UNC13C: variants seen among roughly 807,000 people sequenced by gnomAD.
The protein encoded by UNC13C is protein unc-13 homolog C.
UNC13C carries 174 observed loss-of-function variants against 245.4 expected under a neutral mutation model. The observed-to-expected ratio is 0.71, with a 90% confidence interval of 0.63 to 0.80. The LOEUF is 0.80. Ranked by LOEUF, UNC13C falls within the 30% of genes least tolerant of loss-of-function variation. The probability of loss-of-function intolerance (pLI) is 0.00; values close to 1 mark genes in which losing one functional copy is unlikely to be tolerated. For synonymous variants in UNC13C, 992 were observed against 895.1 expected (o/e 1.11, Z -1.93); for missense variants, 2,829 against 2,602.9 (o/e 1.09, Z -1.89).
At chr15:54,395,669 A>T (rs893455797) in intron 18 of UNC13C, among the ~76,000 whole-genome samples, 7 of 151,944 alleles carry the variant, frequency 4.6e-5, no homozygotes, top group African/African-American at 1.4e-4. Context: ...GTAATCCCTG[A>T]TTATTGATTC....
chr15:54,131,694 T>C (rs1359696800), intron 2 of UNC13C, among the ~76,000 whole-genome samples: 1 of 152,194 alleles, frequency 6.6e-6, no homozygotes, highest in Non-Finnish European at 1.5e-5. Flanking sequence ...GTTCTAGTCA[T>C]GCACTGGGGA....
chr15:54,011,732 C>A (rs1895388718), intron 1 of UNC13C, among the ~76,000 whole-genome samples: 1 of 152,150 alleles, frequency 6.6e-6, no homozygotes, highest in Non-Finnish European at 1.5e-5. Flanking sequence ...ATCTCTTTCG[C>A]TCCATCTTTT....
the UNC13C span, among the ~76,000 whole-genome samples, chr15:53,931,893 A>C: frequency 3.4e-4 from 52 of 152,302 alleles, no homozygotes; most frequent in African/African-American, 1.1e-3. Flanking sequence ...TCATTTACCA[A>C]AATGGAAATG....
In UNC13C at chr15:54,485,769, C is replaced by T. The variant is rs893645788; in HGVS notation, c.4934-8839C>T. Among the ~76,000 whole-genome samples the T allele has an allele frequency of 1.1e-4, 17 of 152,278 alleles. 1 individual carries two copies. Among genetic ancestry groups the T allele is most frequent in the Admixed American group, 8.5e-4 (13 of 15,292 alleles). On this transcript the variant is annotated intron_variant, in intron 19 of 32. Coordinates refer to ENST00000260323, the MANE Select transcript of UNC13C (RefSeq NM_001080534.3). Reference sequence around the variant, plus strand: ...ACTGGCCTCCTTGCATCTCTTTGAGCTTGTCAAGCACACTTTTTTGCTTGA... The same window carrying T: ...ACTGGCCTCCTTGCATCTCTTTGAGTTTGTCAAGCACACTTTTTTGCTTGA...
chr15:54,519,528 T>A (rs1895127225), intron 24 of UNC13C, among the ~76,000 whole-genome samples: 1 of 152,136 alleles, frequency 6.6e-6, no homozygotes, highest in South Asian at 2.1e-4. Flanking sequence ...AGACAGCTAT[T>A]GATGTTCAAC....
chr15:54,288,381 G>A (rs529727752), intron 10 of UNC13C, among the ~76,000 whole-genome samples: 1 of 152,188 alleles, frequency 6.6e-6, no homozygotes, highest in South Asian at 2.1e-4. Flanking sequence ...AATTAAAAAG[G>A]GCTCCAAAAG....
chr15:54,418,102 A>G (rs113602046), intron 19 of UNC13C, among the ~76,000 whole-genome samples: 278 of 152,150 alleles, frequency 1.8e-3, no homozygotes, highest in African/African-American at 6.4e-3. Context: ...CATCAGTTTA[A>G]TTGTCCATAT....
At chr15:54,580,143 T>G (rs1054673902) in intron 30 of UNC13C, among the ~76,000 whole-genome samples, 5 of 152,198 alleles carry the variant, frequency 3.3e-5, no homozygotes, top group Non-Finnish European at 5.9e-5. Flanking sequence ...ACGCCTGTTT[T>G]TGTTCACTGA....
intron 28 of UNC13C, among the ~76,000 whole-genome samples, chr15:54,552,658 A>G (rs1229485292): frequency 1.4e-5 from 1 of 72,150 alleles, no homozygotes; most frequent in Admixed American, 2.8e-4. Flanking sequence ...ATATAATTAT[A>G]TTATATTGTA....
chr15:54,318,723 G>A (rs1290437745), intron 13 of UNC13C, among the ~76,000 whole-genome samples: 1 of 151,770 alleles, frequency 6.6e-6, no homozygotes, highest in Non-Finnish European at 1.5e-5. Flanking sequence ...TCACTCTCTT[G>A]AGTTTTTCCT....
chr15:54,190,061 T>A (rs1277165020), intron 4 of UNC13C, among the ~76,000 whole-genome samples: 1 of 152,146 alleles, frequency 6.6e-6, no homozygotes, highest in African/African-American at 2.4e-5. Flanking sequence ...GCCTTACTCT[T>A]AGTACAGGTT....
At chr15:54,449,201 C>G (rs1192353140) in intron 19 of UNC13C, among the ~76,000 whole-genome samples, 1 of 152,154 alleles carries the variant, frequency 6.6e-6, no homozygotes, top group East Asian at 1.9e-4. Flanking sequence ...TCTGGCTGCC[C>G]TTAAAATTTT....
At chr15:54,628,695 T>A (rs1566949971), downstream of UNC13C, 1 of 152,356 alleles carries the variant, frequency 6.6e-6, no homozygotes, top group African/African-American at 2.4e-5. Context: ...TGACCATATG[T>A]AATAGTCTTC....
At chr15:54,476,810 A>G (rs930697207) in intron 19 of UNC13C, among the ~76,000 whole-genome samples, 1 of 150,716 alleles carries the variant, frequency 6.6e-6, no homozygotes, top group African/African-American at 2.5e-5. Flanking sequence ...TTGGTTCCAT[A>G]TGAACTTTAA....
intron 23 of UNC13C, among the ~76,000 whole-genome samples, chr15:54,511,003 G>C (rs1894713593): frequency 6.6e-6 from 1 of 152,218 alleles, no homozygotes; most frequent in South Asian, 2.1e-4. Flanking sequence ...AACAAGTGGA[G>C]AAACATTTTC....
intron 17 of UNC13C, among the ~76,000 whole-genome samples, chr15:54,387,324 AT>A (rs1175039156): frequency 2.0e-5 from 3 of 152,118 alleles, no homozygotes; most frequent in Non-Finnish European, 4.4e-5. Flanking sequence ...AGGGATGTGG[AT>A]TTCCTGGAAC....
chr15:54,167,615 A>G (rs2033227448), intron 4 of UNC13C, among the ~76,000 whole-genome samples: 1 of 148,880 alleles, frequency 6.7e-6, no homozygotes, highest in African/African-American at 2.4e-5. Context: ...AAAAAAAAAA[A>G]AAAAAAAAAG....
chr15:54,389,715 C>G (rs1319047948), intron 17 of UNC13C, among the ~76,000 whole-genome samples: 1 of 151,796 alleles, frequency 6.6e-6, no homozygotes, highest in Non-Finnish European at 1.5e-5. Flanking sequence ...GTGTACACAG[C>G]CTGTCTTTGC....
chr15:54,035,103 A>C (rs1896519974), intron 2 of UNC13C, among the ~76,000 whole-genome samples: 1 of 152,060 alleles, frequency 6.6e-6, no homozygotes, highest in Non-Finnish European at 1.5e-5. Context: ...TCAGATATAC[A>C]TTTATAGGGA....
Sources: allele counts gnomAD v4.1 joint callset (sites outside exome capture counted in the v4.1 genomes callset), GRCh38; gene constraint gnomAD v4.1.1; transcripts MANE v1.5; gene names NCBI Gene and HGNC (gene_info 2026-07-23, HGNC 2026-07-21).